ZNF211: variants seen among roughly 807,000 people sequenced by gnomAD.
ZNF211 encodes zinc finger protein 211, also known as zinc finger protein C2H2-25.
ZNF211 carries 18 observed loss-of-function variants against 12.1 expected under a neutral mutation model. That is an observed-to-expected ratio of 1.48 (90% CI 1.03 to 2.20). The LOEUF is 2.20. Ranked by LOEUF, ZNF211 falls within the 30% of genes most tolerant of loss-of-function variation. ZNF211 has a pLI of 0.00. For synonymous variants in ZNF211, 249 were observed against 246.0 expected (o/e 1.01, Z -0.11); for missense variants, 677 against 703.1 (o/e 0.96, Z 0.42).
intron 3 of ZNF211, 33 bp downstream of exon 3, chr19:57,634,788 A>G: frequency 1.3e-6 from 2 of 1,503,600 alleles, no homozygotes; most frequent in African/African-American, 1.4e-5. Context: ...TGTGCCCTGG[A>G]CTAGGCTCTC....
rs1318892814 is a variant in ZNF211, at chr19:57,643,954, A to G, written c.*1773A>G. ...TTTATTGCTGAGTGGTATATTTTTT[A>G]TGGATATACTATTTGTTATCCATTT... On this transcript the variant is annotated 3_prime_UTR_variant, in exon 4 of 4. Transcript: ENST00000240731. 6.6e-6 allele frequency among the ~76,000 whole-genome samples: 1 copy of G among 152,080 alleles called. No homozygotes were observed. The highest frequency in any genetic ancestry group is 1.5e-5 in the Non-Finnish European group (1 of 68,002).
chr19:57,637,103 G>A (rs2122185302), intron 3 of ZNF211, among the ~76,000 whole-genome samples: 1 of 152,148 alleles, frequency 6.6e-6, no homozygotes, highest in Middle Eastern at 3.4e-3. Flanking sequence ...GAATCTTTAT[G>A]GTATTCCATG....
intron 1 of ZNF211, chr19:57,633,744 C>T: frequency 1.3e-6 from 2 of 1,533,586 alleles, no homozygotes; most frequent in East Asian, 2.5e-5. Flanking sequence ...CTTGCGCAAA[C>T]GAGAGACACC....
At chr19:57,640,098 C>G (rs1388581487) in intron 3 of ZNF211, 5 of 1,527,784 alleles carry the variant, frequency 3.3e-6, no homozygotes, top group Non-Finnish European at 4.4e-6. Flanking sequence ...AGGAACCTGT[C>G]CTGTTTGACT....
At chr19:57,633,669 A>C (rs539240622) in intron 1 of ZNF211, 1 of 1,533,986 alleles carries the variant, frequency 6.5e-7, no homozygotes, top group African/African-American at 1.4e-5. Flanking sequence ...CCACATTGTT[A>C]CTGCAGGGAA....
chr19:57,634,138 T>G, intron 2 of ZNF211, 77 bp downstream of exon 2: 2 of 1,461,496 alleles, frequency 1.4e-6, no homozygotes, highest in Non-Finnish European at 1.8e-6. Context: ...TTCTTTAGAT[T>G]TGTGGTGTCA....
intron 2 of ZNF211, chr19:57,634,410 A>G: frequency 1.9e-6 from 1 of 515,594 alleles, no homozygotes; most frequent in Non-Finnish European, 3.2e-6. Flanking sequence ...GGATCAGAGG[A>G]GGGAGATTTA....
chr19:57,633,440 A>G lies in ZNF211; in HGVS notation c.90+4A>G. 1 of 1,594,906 alleles carries G rather than the reference A, an allele frequency of 6.3e-7. No homozygotes were observed. Among genetic ancestry groups the G allele is most frequent in the Admixed American group, 1.7e-5 (1 of 58,246 alleles). On this transcript the variant is annotated splice_donor_region_variant and intron_variant, in intron 1 of 3. Transcript: ENST00000240731. ...CGCACTGAGGGACCCGGCTTCGGTGAGCGCTGCGATCTCCGGGCCTCCCCC... is the reference window on the plus strand; with the variant it reads ...CGCACTGAGGGACCCGGCTTCGGTGGGCGCTGCGATCTCCGGGCCTCCCCC...
intron 3 of ZNF211, among the ~76,000 whole-genome samples, chr19:57,638,162 G>A (rs1473959226): frequency 1.3e-5 from 2 of 152,094 alleles, no homozygotes; most frequent in African/African-American, 4.8e-5. Context: ...GCTTCCCAAA[G>A]TGCTGGAATT....
intron 3 of ZNF211, chr19:57,635,018 C>T (rs117686837): frequency 1.0e-6 from 1 of 959,098 alleles, no homozygotes; most frequent in South Asian, 4.8e-5. Context: ...TGGTGACTTT[C>T]TAGATCTATG....
rs1982970274 is a variant in ZNF211 at position 57,641,684 on chromosome 19, A to G, written c.1237A>G (p.Asn413Asp). 1 of 1,614,108 alleles carries G rather than the reference A, an allele frequency of 6.2e-7. No homozygotes were observed. The highest frequency in any genetic ancestry group is 8.5e-7 in the Non-Finnish European group (1 of 1,180,016). ...VHTGERPHEC[N>D]ECGKSFSRSS... is the part of the protein sequence containing the mutation. The stretch of plus-strand genomic sequence containing the variant: ...CACTGGAGAAAGACCTCATGAGTGC[A>G]ATGAATGTGGAAAATCCTTTAGCCG... Residue 413 changes from asparagine (N) to aspartate (D), a missense_variant, in exon 4 of 4, where the codon AAT becomes GAT. Transcript: ENST00000240731.
In ZNF211 at chr19:57,637,954, A is replaced by G. The variant is rs937323468; in HGVS notation, c.257-2750A>G. Among the ~76,000 whole-genome samples the G allele has an allele frequency of 2.1e-4, 31 of 145,040 alleles. 1 individual carries two copies. Among genetic ancestry groups the G allele is most frequent in the Non-Finnish European group, 4.6e-4 (31 of 67,204 alleles). On this transcript the variant is annotated intron_variant, in intron 3 of 3. Transcript: ENST00000240731. ...TGCTCTGACACCCAGGCTAGAGTGC[A>G]GTGGTGTGATCTTGGCTCACTGCAA...
Position 57,636,753 on chromosome 19 carries a change from A to G in ZNF211, c.256+1998A>G, listed in dbSNP as rs570862149. 6.6e-5 allele frequency among the ~76,000 whole-genome samples: 10 copies of G among 152,280 alleles called. No homozygotes were observed. The South Asian group carries it at 1.9e-3, about 28-fold the overall frequency. On this transcript the variant is annotated intron_variant, in intron 3 of 3. Coordinates refer to ENST00000240731, the MANE Select transcript of ZNF211 (RefSeq NM_006385.5). Reference sequence around the variant, plus strand: ...TTTTTTATTTCTGCAAAATAACGTCATTTGGATTTTGATAGGTATCGCACT... The same window carrying G: ...TTTTTTATTTCTGCAAAATAACGTCGTTTGGATTTTGATAGGTATCGCACT...
rs767576508 is a variant in ZNF211 at position 57,641,319 on chromosome 19, T to G, written c.872T>G (p.Val291Gly). 1 of 1,614,066 alleles carries G rather than the reference T, an allele frequency of 6.2e-7. No homozygotes were observed. The highest frequency in any genetic ancestry group is 8.5e-7 in the Non-Finnish European group (1 of 1,180,040). Reference sequence around the variant, plus strand: ...TGTAACCTCATTCAGCACCAGAAAGTCCACAGTGAAGAAAGGCCTTATGAA... The same window carrying G: ...TGTAACCTCATTCAGCACCAGAAAGGCCACAGTGAAGAAAGGCCTTATGAA... ...RRCNLIQHQK[V>G]HSEERPYECN... is the part of the protein sequence containing the mutation. The change falls in exon 4 of 4, where the codon GTC becomes GGC. Residue 291 changes from valine (V) to glycine (G), a missense_variant. By Grantham distance (109) the Val-to-Gly change is moderately radical (BLOSUM62 -3). Coordinates refer to ENST00000240731, the MANE Select transcript of ZNF211 (RefSeq NM_006385.5).
At chr19:57,636,749 C>T (rs1408854013) in intron 3 of ZNF211, among the ~76,000 whole-genome samples, 6 of 152,116 alleles carry the variant, frequency 3.9e-5, no homozygotes, top group Non-Finnish European at 7.4e-5. Context: ...TGCAAAATAA[C>T]GTCATTTGGA....
At position 57,643,493 on chromosome 19, in the gene ZNF211, A is replaced by G. The variant is rs1300621989; in HGVS notation, c.*1312A>G. Among the ~76,000 whole-genome samples the G allele has an allele frequency of 6.6e-6, 1 of 152,192 alleles. No homozygotes were observed. The highest frequency in any genetic ancestry group is 1.5e-5 in the Non-Finnish European group (1 of 68,028). On this transcript the variant is annotated 3_prime_UTR_variant, in exon 4 of 4. Coordinates refer to ENST00000240731, the MANE Select transcript of ZNF211 (RefSeq NM_006385.5). ...ATAGGCCAGGAAAACAAGCATAGAA[A>G]GAAGGGGCGGGGGATGTCCTTCCAG...
intron 2 of ZNF211, chr19:57,634,311 T>C: frequency 2.0e-6 from 1 of 488,430 alleles, no homozygotes; most frequent in Non-Finnish European, 3.5e-6. Flanking sequence ...TTGGAACTCC[T>C]TGGAGGTGAG....
At chr19:57,640,248 C>T (rs531514377) in intron 3 of ZNF211, among the ~76,000 whole-genome samples, 7 of 152,212 alleles carry the variant, frequency 4.6e-5, no homozygotes, top group Non-Finnish European at 1.0e-4. Context: ...CTCTGGACTC[C>T]TTATCCTACC....
Position 57,641,067 on chromosome 19 carries a change from T to C in ZNF211, c.620T>C (p.Phe207Ser). ...PFTCREIRKD[F>S]LANMRFLHQD... ...ACCTGCAGGGAGATCAGGAAAGACT[T>C]CCTGGCCAACATGAGGTTTCTCCAT... is the stretch of plus-strand genomic sequence containing the variant. The change falls in exon 4 of 4, where the codon TTC (phenylalanine) becomes TCC (serine). Residue 207 changes from phenylalanine (F) to serine (S), a missense_variant. Transcript: ENST00000240731. The C allele has an allele frequency of 6.2e-7, 1 of 1,614,160 alleles. No homozygotes were observed. Among genetic ancestry groups the C allele is most frequent in the Non-Finnish European group, 8.5e-7 (1 of 1,180,016 alleles).
Sources: gnomAD v4.1 joint callset for allele counts (sites outside exome capture counted in the v4.1 genomes callset) on GRCh38, gnomAD v4.1.1 for gene constraint, MANE v1.5 for transcripts, NCBI Gene and HGNC (gene_info 2026-07-23, HGNC 2026-07-21) for gene names.